The following MSRA variants were observed in gnomAD, a reference collection of about 807,000 sequenced individuals.
MSRA encodes the protein methionine sulfoxide reductase A, also known as mitochondrial peptide methionine sulfoxide reductase.
MSRA carries 54 observed loss-of-function variants against 31.3 expected under a neutral mutation model. The ratio of observed to expected loss-of-function variants is 1.73; its 90% confidence interval spans 1.39 to 2.17. The LOEUF is 2.17. MSRA is among the 30% of genes most tolerant of loss of function. The pLI is 0.00. For missense variants in MSRA, 507 were observed against 300.9 expected (o/e 1.69, Z -5.07); for synonymous variants, 169 against 116.5 (o/e 1.45, Z -2.90).
At chr8:10,084,468 G>A (rs992550120) in intron 1 of MSRA, among the ~76,000 whole-genome samples, 1 of 152,196 alleles carries the variant, frequency 6.6e-6, no homozygotes. Context: ...GTAAACCTTC[G>A]TAAATATTAT....
chr8:10,131,676 T>G lies in MSRA; in HGVS notation c.143-76157T>G, dbSNP rs528685966. 2.6e-5 allele frequency among the ~76,000 whole-genome samples: 4 copies of G among 152,170 alleles called. No homozygotes were observed. In the South Asian group the frequency reaches 8.3e-4, roughly 32 times the overall value. On this transcript the variant is annotated intron_variant, in intron 1 of 5. Coordinates refer to ENST00000317173, the MANE Select transcript of MSRA (RefSeq NM_012331.5). Reference sequence around the variant, plus strand: ...TATCCCTGGGAAGCTCTCCATACCCTGTGGTTAGAAGATCTCAGAGATCTT... The same window carrying G: ...TATCCCTGGGAAGCTCTCCATACCCGGTGGTTAGAAGATCTCAGAGATCTT...
At chr8:10,319,798 CA>C in intron 4 of MSRA, 84 bp from the exon 5 acceptor site, 1 of 703,612 alleles carries the variant, frequency 1.4e-6, no homozygotes. Context: ...TGAAAAGTGT[CA>C]AAATGTCTCA....
At chr8:10,116,764 G>T (rs1238288531) in intron 1 of MSRA, among the ~76,000 whole-genome samples, 4 of 152,086 alleles carry the variant, frequency 2.6e-5, no homozygotes, top group Non-Finnish European at 5.9e-5. Flanking sequence ...GGTTGGGAGT[G>T]TGAGACCAGC....
At chr8:10,150,513 A>C (rs999455254) in intron 1 of MSRA, among the ~76,000 whole-genome samples, 13 of 152,326 alleles carry the variant, frequency 8.5e-5, no homozygotes, top group Admixed American at 8.5e-4. Flanking sequence ...AAATGCAACC[A>C]TGTAATCAAC....
Position 10,298,153 on chromosome 8 carries a change from A to T in MSRA, c.332-3381A>T, listed in dbSNP as rs4503102. 1.6e-4 allele frequency among the ~76,000 whole-genome samples: 25 copies of T among 152,160 alleles called. No homozygotes were observed. In the East Asian group the frequency reaches 4.4e-3, roughly 27 times the overall value. ...GGGGACCATATGTCTCTGGCAAAAT[A>T]GTTGTGAGCAATGTTTGTATGTCTG... On this transcript the variant is annotated intron_variant, in intron 3 of 5. Coordinates refer to ENST00000317173, the MANE Select transcript of MSRA (RefSeq NM_012331.5).
chr8:10,346,026 G>A lies in MSRA; in HGVS notation c.543+26037G>A, dbSNP rs1211140649. Reference sequence around the variant, plus strand: ...ACCTTCCTAGTGTTTTTGTTTATTTGCTTGGCTCATTGTATTGTGTTTATG... The same window carrying A: ...ACCTTCCTAGTGTTTTTGTTTATTTACTTGGCTCATTGTATTGTGTTTATG... On this transcript the variant is annotated intron_variant, in intron 5 of 5. Coordinates refer to ENST00000317173, the MANE Select transcript of MSRA (RefSeq NM_012331.5). Among the ~76,000 whole-genome samples the A allele has an allele frequency of 2.0e-5, 3 of 148,264 alleles. No homozygotes were observed. The East Asian group carries it at 5.8e-4, about 28-fold the overall frequency.
At chr8:10,094,618 T>C (rs1402798947) in intron 1 of MSRA, among the ~76,000 whole-genome samples, 2 of 152,204 alleles carry the variant, frequency 1.3e-5, no homozygotes, top group African/African-American at 4.8e-5. Flanking sequence ...AGAAGTCACT[T>C]TTCTGGGTTC....
intron 5 of MSRA, among the ~76,000 whole-genome samples, chr8:10,378,926 A>T (rs1416914581): frequency 6.6e-6 from 1 of 152,146 alleles, no homozygotes; most frequent in Non-Finnish European, 1.5e-5. Context: ...AGCCCTTAAA[A>T]ATCACCCACA....
chr8:10,118,187 G>T (rs953789630), intron 1 of MSRA, among the ~76,000 whole-genome samples: 1 of 152,158 alleles, frequency 6.6e-6, no homozygotes, highest in Admixed American at 6.5e-5. Flanking sequence ...AATGTTTTTA[G>T]TTCATTGCCC....
At position 10,240,128 on chromosome 8, in the gene MSRA, G is replaced by A. The variant is rs139601298; in HGVS notation, c.212-4976G>A. Among the ~76,000 whole-genome samples, 5 of 152,290 alleles carry A rather than the reference G, an allele frequency of 3.3e-5. No individual in the cohort carries two copies. The East Asian group carries it at 5.8e-4, about 18-fold the overall frequency. On this transcript the variant is annotated intron_variant, in intron 2 of 5. Transcript: ENST00000317173. ...CCCTGAAGGCAGGAAAGTCAAACACGTGCCAAGAATACATGTATGTGAGTG... is the reference window on the plus strand; with the variant it reads ...CCCTGAAGGCAGGAAAGTCAAACACATGCCAAGAATACATGTATGTGAGTG...
intron 1 of MSRA, among the ~76,000 whole-genome samples, chr8:10,119,303 G>A (rs1800930506): frequency 6.6e-6 from 1 of 152,206 alleles, no homozygotes; most frequent in Non-Finnish European, 1.5e-5. Flanking sequence ...TCCGACAGAA[G>A]ACTTTTGTTG....
At chr8:10,384,267 G>A (rs1410795886) in intron 5 of MSRA, among the ~76,000 whole-genome samples, 3 of 152,184 alleles carry the variant, frequency 2.0e-5, no homozygotes, top group Non-Finnish European at 1.5e-5. Context: ...ACCCCAGCCT[G>A]CTTGCTCTGA....
intron 3 of MSRA, among the ~76,000 whole-genome samples, chr8:10,246,179 G>T (rs1239034345): frequency 6.6e-6 from 1 of 152,202 alleles, no homozygotes. Context: ...TCATGCTACA[G>T]TTACAAGAGT....
chr8:10,099,393 C>G (rs1228831664), intron 1 of MSRA, among the ~76,000 whole-genome samples: 1 of 152,120 alleles, frequency 6.6e-6, no homozygotes, highest in African/African-American at 2.4e-5. Flanking sequence ...GATATAATTG[C>G]TGCCCATAGG....
intron 1 of MSRA, among the ~76,000 whole-genome samples, chr8:10,083,962 C>A (rs1267313068): frequency 6.6e-6 from 1 of 152,104 alleles, no homozygotes; most frequent in Non-Finnish European, 1.5e-5. Context: ...TAAATTTTGT[C>A]CTCTTGAAAG....
At chr8:10,255,579 C>G (rs1798133649) in intron 3 of MSRA, among the ~76,000 whole-genome samples, 1 of 151,970 alleles carries the variant, frequency 6.6e-6, no homozygotes, top group South Asian at 2.1e-4. Flanking sequence ...GATGGGTTGA[C>G]AAAAAGCCAT....
intron 5 of MSRA, among the ~76,000 whole-genome samples, chr8:10,405,316 A>G (rs181440462): frequency 6.6e-6 from 1 of 152,160 alleles, no homozygotes; most frequent in African/African-American, 2.4e-5. Context: ...CTGCCGGAGC[A>G]CCTGCCCCTC....
At chr8:10,150,535 C>T (rs944268160) in intron 1 of MSRA, among the ~76,000 whole-genome samples, 2 of 152,116 alleles carry the variant, frequency 1.3e-5, no homozygotes, top group South Asian at 2.1e-4. Context: ...GCTTACTACA[C>T]GATAATTATG....
chr8:10,349,597 C>T (rs116955584), intron 5 of MSRA, among the ~76,000 whole-genome samples: 3,975 of 152,300 alleles, frequency 0.026, 65 homozygotes, highest in Non-Finnish European at 0.041. Context: ...TGGGAGCCTC[C>T]CCTGGCTCAT....
Sources: gnomAD v4.1 joint callset for allele counts (sites outside exome capture counted in the v4.1 genomes callset) on GRCh38, gnomAD v4.1.1 for gene constraint, MANE v1.5 for transcripts, NCBI Gene and HGNC (gene_info 2026-07-23, HGNC 2026-07-21) for gene names.